SOX5: variants seen among roughly 807,000 people sequenced by gnomAD.
The protein encoded by SOX5 is SRY-box transcription factor 5, also known as transcription factor SOX-5.
SOX5 carries 9 observed loss-of-function variants against 92.0 expected under a neutral mutation model. The observed-to-expected ratio is 0.10, with a 90% CI of 0.06 to 0.17. The LOEUF is 0.17. Among genes scored for constraint, SOX5 ranks in the 10% least tolerant of loss-of-function variants. The probability of loss-of-function intolerance (pLI) is 1.00; values close to 1 mark genes in which losing one functional copy is unlikely to be tolerated. For synonymous variants in SOX5, 344 were observed against 336.3 expected, an observed-to-expected ratio of 1.02 and a Z score of -0.25; for missense variants, 642 against 944.5, an observed-to-expected ratio of 0.68 and a Z score of 4.20.
At chr12:23,819,801 G>T (rs1473202277) in intron 3 of SOX5, among the ~76,000 whole-genome samples, 1 of 152,136 alleles carries the variant, frequency 6.6e-6, no homozygotes, top group African/African-American at 2.4e-5. Flanking sequence ...TGGTGTATAT[G>T]TGCCACATTT....
chr12:23,851,384 T>C (rs995323600), intron 2 of SOX5, among the ~76,000 whole-genome samples: 2 of 152,136 alleles, frequency 1.3e-5, no homozygotes, highest in Non-Finnish European at 2.9e-5. Context: ...AATATTAATG[T>C]TCCTAAAAAT....
intron 1 of SOX5, among the ~76,000 whole-genome samples, chr12:24,501,828 A>G (rs1948235549): frequency 2.0e-5 from 3 of 152,224 alleles, no homozygotes; most frequent in Non-Finnish European, 4.4e-5. Flanking sequence ...CCCTGCCTCA[A>G]AAAACAAAAC....
intron 3 of SOX5, among the ~76,000 whole-genome samples, chr12:24,268,513 A>G (rs1038855948): frequency 6.6e-6 from 1 of 152,244 alleles, no homozygotes; most frequent in African/African-American, 2.4e-5. Flanking sequence ...AATGAGAAAT[A>G]GAAATAGACT....
rs541642466 is a variant in SOX5 at position 23,704,981 on chromosome 12, G to A, written c.810+29703C>T. The stretch of plus-strand genomic sequence containing the variant: ...AGACAGATGTTACTTGAATATTTCT[G>A]GGTTTTAGCTACATTTAATTTACCT... On this transcript the variant is annotated intron_variant, in intron 6 of 14. Coordinates refer to ENST00000451604, the MANE Select transcript of SOX5 (RefSeq NM_006940.6). Among the ~76,000 whole-genome samples, 114 of 151,236 alleles carry A rather than the reference G, an allele frequency of 7.5e-4. No homozygotes were observed. The Middle Eastern group carries it at 0.01, about 14-fold the overall frequency.
intron 2 of SOX5, among the ~76,000 whole-genome samples, chr12:24,279,683 G>C (rs779173281): frequency 5.3e-5 from 8 of 151,768 alleles, no homozygotes; most frequent in Non-Finnish European, 1.0e-4. Context: ...AGGTTGTTAA[G>C]ACTCTCAAAA....
intron 3 of SOX5, among the ~76,000 whole-genome samples, chr12:23,791,620 T>G (rs891324116): frequency 1.1e-4 from 17 of 152,134 alleles, no homozygotes; most frequent in Admixed American, 1.1e-3. Context: ...TGTGAAGGTA[T>G]ATCACATACT....
intron 1 of SOX5, among the ~76,000 whole-genome samples, chr12:24,476,597 C>G (rs1945403437): frequency 6.6e-6 from 1 of 152,186 alleles, no homozygotes; most frequent in Admixed American, 6.5e-5. Flanking sequence ...AGTTGGACAA[C>G]TGAAAGAGGC....
chr12:23,862,487 C>G (rs1161607060), intron 2 of SOX5, among the ~76,000 whole-genome samples: 1 of 152,172 alleles, frequency 6.6e-6, no homozygotes, highest in Non-Finnish European at 1.5e-5. Flanking sequence ...CCAGATCAAT[C>G]TGGCCAACGA....
intron 1 of SOX5, among the ~76,000 whole-genome samples, chr12:24,474,596 C>T (rs544337489): frequency 6.6e-5 from 10 of 152,064 alleles, no homozygotes; most frequent in African/African-American, 2.4e-5. Context: ...AGTGCAGTGG[C>T]GTGATCTCAG....
intron 3 of SOX5, among the ~76,000 whole-genome samples, chr12:24,256,720 T>C (rs969895868): frequency 6.6e-5 from 10 of 152,252 alleles, no homozygotes; most frequent in Admixed American, 6.5e-4. Context: ...GTTTCTCCCC[T>C]GTCAGCATGA....
chr12:23,597,717 A>G (rs769899313), intron 9 of SOX5, among the ~76,000 whole-genome samples: 3 of 152,196 alleles, frequency 2.0e-5, no homozygotes, highest in Non-Finnish European at 4.4e-5. Flanking sequence ...TGAGTATATG[A>G]CACATCCATA....
chr12:24,322,250 T>C (rs1408671126), intron 2 of SOX5, among the ~76,000 whole-genome samples: 1 of 152,162 alleles, frequency 6.6e-6, no homozygotes, highest in Non-Finnish European at 1.5e-5. Context: ...TAAGATGAGA[T>C]GTACACATTT....
chr12:23,694,141 T>C (rs1026517306), intron 6 of SOX5, among the ~76,000 whole-genome samples: 2 of 152,222 alleles, frequency 1.3e-5, no homozygotes, highest in Non-Finnish European at 2.9e-5. Flanking sequence ...TTGTGAGATT[T>C]TATAAATGAT....
At chr12:24,175,253 C>T (rs1162784334) in intron 4 of SOX5, among the ~76,000 whole-genome samples, 2 of 152,204 alleles carry the variant, frequency 1.3e-5, no homozygotes, top group Non-Finnish European at 2.9e-5. Context: ...CAGTTTTGCA[C>T]ATAGTATTTT....
intron 8 of SOX5, among the ~76,000 whole-genome samples, chr12:23,632,921 CA>C (rs1260918364): frequency 6.6e-6 from 1 of 151,826 alleles, no homozygotes; most frequent in African/African-American, 2.4e-5. Flanking sequence ...GCCTTTATTC[CA>C]AAAATATTAT....
intron 4 of SOX5, among the ~76,000 whole-genome samples, chr12:24,209,740 C>G (rs1203548632): frequency 1.3e-5 from 2 of 152,038 alleles, no homozygotes. Flanking sequence ...TCCTTCCGGC[C>G]GGGCGCGGTG....
chr12:23,739,514 C>T (rs2140980169), intron 5 of SOX5, among the ~76,000 whole-genome samples: 1 of 152,238 alleles, frequency 6.6e-6, no homozygotes, highest in South Asian at 2.1e-4. Context: ...TTCCCCAAGA[C>T]CTCTTAAAAT....
chr12:23,650,217 A>G (rs2081382306), intron 7 of SOX5, among the ~76,000 whole-genome samples: 1 of 152,152 alleles, frequency 6.6e-6, no homozygotes, highest in Non-Finnish European at 1.5e-5. Context: ...TGGAAACCTG[A>G]AAGAAAGAAC....
At chr12:24,276,549 T>C (rs1409136931) in intron 3 of SOX5, among the ~76,000 whole-genome samples, 1 of 152,182 alleles carries the variant, frequency 6.6e-6, no homozygotes, top group Non-Finnish European at 1.5e-5. Flanking sequence ...TTTCATCCTT[T>C]TCTGCAGTTA....
Sources: allele counts gnomAD v4.1 joint callset (sites outside exome capture counted in the v4.1 genomes callset), GRCh38; gene constraint gnomAD v4.1.1; transcripts MANE v1.5; gene names NCBI Gene and HGNC (gene_info 2026-07-23, HGNC 2026-07-21).